Variants in PHIP observed in about 807,000 individuals in gnomAD.
PHIP encodes the protein PHIP subunit of CUL4-Ring ligase complex, also known as PH-interacting protein.
PHIP carries 54 observed loss-of-function variants against 236.8 expected under a neutral mutation model. The observed-to-expected ratio is 0.23, with a 90% CI of 0.18 to 0.29. The LOEUF (loss-of-function observed/expected upper bound fraction) is 0.29, where lower values mean the gene tolerates loss of function less well. Among genes scored for constraint, PHIP ranks in the 10% least tolerant of loss-of-function variants. The pLI is 1.00. For synonymous variants in PHIP, 756 were observed against 718.9 expected (o/e 1.05, Z -0.83); for missense variants, 1,370 against 2,190.8 (o/e 0.63, Z 7.48).
At chr6:79,020,869 A>G (rs1007603839) in intron 9 of PHIP, among the ~76,000 whole-genome samples, 3 of 151,706 alleles carry the variant, frequency 2.0e-5, no homozygotes, top group African/African-American at 4.8e-5. Context: ...TTAAAATTTT[A>G]TAAGTTAAAT....
At chr6:78,950,584 G>C (rs746334467) in intron 35 of PHIP, among the ~76,000 whole-genome samples, 1 of 151,928 alleles carries the variant, frequency 6.6e-6, no homozygotes, top group Admixed American at 6.6e-5. Context: ...TTTGAATATC[G>C]GTCTATTTCA....
intron 7 of PHIP, among the ~76,000 whole-genome samples, chr6:79,042,290 G>T (rs1772258504): frequency 6.6e-6 from 1 of 151,784 alleles, no homozygotes; most frequent in South Asian, 2.1e-4. Context: ...ACCCAAAGAG[G>T]CTCTATAAAC....
Position 78,961,743 on chromosome 6 carries a change from T to C in PHIP, c.3603A>G (p.Ala1201=). The change falls in exon 31 of 40, where the codon GCA becomes GCG. Residue 1201 remains alanine (A), a synonymous_variant. Coordinates refer to ENST00000275034, the MANE Select transcript of PHIP (RefSeq NM_017934.7). ...QAYPMYCTVV[A]YPTDLSTIKQ... is the part of the protein sequence containing the mutation. ...TAATTGTACTTAGATCCGTTGGATA[T>C]GCCACTACTGTGCAATACATGGGAT... 1 of 1,612,562 alleles carries C rather than the reference T, an allele frequency of 6.2e-7. No homozygotes were observed. Among genetic ancestry groups the C allele is most frequent in the Non-Finnish European group, 8.5e-7 (1 of 1,178,804 alleles).
chr6:79,034,143 T>G (rs1382258654), intron 7 of PHIP, among the ~76,000 whole-genome samples: 2 of 152,208 alleles, frequency 1.3e-5, no homozygotes, highest in African/African-American at 4.8e-5. Context: ...GAGACAAGAC[T>G]TGAGCATATG....
chr6:79,057,082 G>A (rs891441293), intron 6 of PHIP, among the ~76,000 whole-genome samples: 2 of 152,098 alleles, frequency 1.3e-5, no homozygotes, highest in Non-Finnish European at 2.9e-5. Flanking sequence ...ACAAGGTTCA[G>A]AGAGTGTCAA....
At chr6:79,064,433 C>T (rs759990846) in intron 4 of PHIP, among the ~76,000 whole-genome samples, 2 of 152,168 alleles carry the variant, frequency 1.3e-5, no homozygotes, top group East Asian at 1.9e-4. Context: ...CATCTAATTT[C>T]GTATCCCATC....
intron 6 of PHIP, among the ~76,000 whole-genome samples, chr6:79,048,684 G>A (rs901643928): frequency 6.6e-6 from 1 of 152,046 alleles, no homozygotes; most frequent in Non-Finnish European, 1.5e-5. Context: ...TGTTATTATT[G>A]TTTTCTAACT....
chr6:79,074,358 T>C (rs1002153070), intron 4 of PHIP, among the ~76,000 whole-genome samples: 5 of 151,980 alleles, frequency 3.3e-5, no homozygotes, highest in African/African-American at 1.2e-4. Context: ...CTCGTAAATA[T>C]GCAATCATCA....
intron 7 of PHIP, among the ~76,000 whole-genome samples, chr6:79,032,280 A>G (rs1218935500): frequency 6.6e-6 from 1 of 152,190 alleles, no homozygotes; most frequent in African/African-American, 2.4e-5. Context: ...ACTTCTTAAA[A>G]TAAGACAACA....
chr6:79,007,654 CTTTTTT>C (rs35415106), intron 15 of PHIP, among the ~76,000 whole-genome samples: 3 of 116,666 alleles, frequency 2.6e-5, no homozygotes, highest in East Asian at 2.4e-4. Context: ...ATGTCTTGTT[CTTTTTT>C]TTTTTTTTTT....
chr6:79,016,324 T>C (rs560945440), intron 13 of PHIP, among the ~76,000 whole-genome samples: 6 of 152,084 alleles, frequency 3.9e-5, no homozygotes, highest in African/African-American at 4.8e-5. Flanking sequence ...ACAGTACTTT[T>C]ATCATCTCCT....
At chr6:78,946,301 A>G (rs1235013254) in intron 37 of PHIP, 41 bp from the exon 38 acceptor site, 1 of 1,546,772 alleles carries the variant, frequency 6.5e-7, no homozygotes, top group Non-Finnish European at 8.8e-7. Context: ...TTATAGCTCT[A>G]TGTGAACGAA....
chr6:78,964,996 T>C (rs1767040789), intron 29 of PHIP, among the ~76,000 whole-genome samples: 2 of 152,086 alleles, frequency 1.3e-5, no homozygotes, highest in African/African-American at 4.8e-5. Flanking sequence ...GAAAATATAA[T>C]CTCCAGGCTT....
chr6:79,017,854 A>G lies in PHIP; in HGVS notation c.995-271T>C, dbSNP rs1582229813. On this transcript the variant is annotated intron_variant, in intron 10 of 39. Coordinates refer to ENST00000275034, the MANE Select transcript of PHIP (RefSeq NM_017934.7). ...CACTAAGTGAATATATAACCATACCATGTTAAAATTATCAGTCACCTTCAC... is the reference window on the plus strand; with the variant it reads ...CACTAAGTGAATATATAACCATACCGTGTTAAAATTATCAGTCACCTTCAC... Among the ~76,000 whole-genome samples the G allele has an allele frequency of 5.9e-5, 9 of 152,074 alleles. No individual in the cohort carries two copies. The South Asian group carries it at 1.9e-3, about 31-fold the overall frequency.
At chr6:79,026,236 C>T in intron 7 of PHIP, 72 bp from the exon 8 acceptor site, 1 of 1,061,406 alleles carries the variant, frequency 9.4e-7, no homozygotes. Context: ...ACTGATAAAT[C>T]TACCTGTTCT....
At chr6:79,030,445 T>C (rs570233787) in intron 7 of PHIP, among the ~76,000 whole-genome samples, 21 of 151,974 alleles carry the variant, frequency 1.4e-4, no homozygotes, top group Non-Finnish European at 2.8e-4. Context: ...ATTGGCAAAG[T>C]AAGAAAACTT....
chr6:78,996,027 T>A (rs1402374844), intron 19 of PHIP, among the ~76,000 whole-genome samples: 1 of 152,222 alleles, frequency 6.6e-6, no homozygotes, highest in Non-Finnish European at 1.5e-5. Context: ...GGATGAAGAA[T>A]ATTTGAAGAG....
At chr6:79,046,894 T>G (rs1772518260) in intron 6 of PHIP, among the ~76,000 whole-genome samples, 1 of 147,366 alleles carries the variant, frequency 6.8e-6, no homozygotes, top group African/African-American at 2.5e-5. Context: ...ACAAATTAGG[T>G]TTAAGAATTA....
At chr6:78,965,908 G>A (rs888548332) in intron 28 of PHIP, 37 bp downstream of exon 28, 1 of 1,463,366 alleles carries the variant, frequency 6.8e-7, no homozygotes, top group Non-Finnish European at 9.6e-7. Context: ...TTCAAAGCAA[G>A]CCTAGGTGAA....
Sources: gnomAD v4.1 joint callset for allele counts (sites outside exome capture counted in the v4.1 genomes callset) on GRCh38, gnomAD v4.1.1 for gene constraint, MANE v1.5 for transcripts, NCBI Gene and HGNC (gene_info 2026-07-23, HGNC 2026-07-21) for gene names.